Variants in ATRNL1 observed in about 807,000 individuals in gnomAD.
ATRNL1 encodes the protein attractin-like protein 1.
In ATRNL1, 95 loss-of-function variants were observed where a neutral mutation model predicts 182.7. That is an observed-to-expected ratio of 0.52 (90% CI 0.44 to 0.62). The LOEUF (loss-of-function observed/expected upper bound fraction) is 0.62, where lower values mean the gene tolerates loss of function less well. Ranked by LOEUF, ATRNL1 falls within the 20% of genes least tolerant of loss-of-function variation. ATRNL1 has a pLI of 0.00. For missense variants in ATRNL1, 1,471 were observed against 1,679.5 expected (o/e 0.88, Z 2.17); for synonymous variants, 576 against 568.3 (o/e 1.01, Z -0.19).
chr10:115,841,733 A>G (rs2134339927), intron 27 of ATRNL1, among the ~76,000 whole-genome samples: 1 of 152,204 alleles, frequency 6.6e-6, no homozygotes. Context: ...ATTTCATGCA[A>G]AGCAAAAAGT....
intron 24 of ATRNL1, among the ~76,000 whole-genome samples, chr10:115,501,953 A>G (rs1157098707): frequency 1.3e-5 from 2 of 152,178 alleles, no homozygotes; most frequent in Non-Finnish European, 2.9e-5. Context: ...AGAGTTTTAT[A>G]GCTGATTATA....
chr10:115,461,457 CAAAT>C (rs1364672239), intron 21 of ATRNL1, among the ~76,000 whole-genome samples: 11 of 151,980 alleles, frequency 7.2e-5, no homozygotes, highest in African/African-American at 1.2e-4. Context: ...AATGGAAAAA[CAAAT>C]AAATACATTA....
intron 19 of ATRNL1, among the ~76,000 whole-genome samples, chr10:115,365,403 TTC>T (rs1856980690): frequency 6.6e-6 from 1 of 151,686 alleles, no homozygotes; most frequent in African/African-American, 2.4e-5. Context: ...TATTTGATTC[TTC>T]TCTCTTTTTT....
Position 115,121,808 on chromosome 10 carries a change from C to G in ATRNL1, c.487C>G (p.Leu163Val), listed in dbSNP as rs1389108242. The G allele has an allele frequency of 7.1e-7, 1 of 1,401,954 alleles. No individual in the cohort carries two copies. The highest frequency in any genetic ancestry group is 9.8e-7 in the Non-Finnish European group (1 of 1,016,206). 86.8% of individuals were successfully genotyped at this position (1,401,954 alleles called of 1,614,324 possible). ...DSIYAPLIAV[L>V]SGLIVPEIRG... ...AATATATGCACCTTTAATAGCTGTA[C>G]TTAGGTGAGTAATTATATTTAATCA... Residue 163 changes from leucine to valine, a missense_variant, in exon 3 of 29, where the codon CTT becomes GTT. Physicochemically the swap from Leu to Val is conservative, Grantham distance 32 (BLOSUM62 1). Coordinates refer to ENST00000355044, the MANE Select transcript of ATRNL1 (RefSeq NM_207303.4).
At chr10:115,473,880 C>G (rs1378473967) in intron 24 of ATRNL1, among the ~76,000 whole-genome samples, 2 of 151,282 alleles carry the variant, frequency 1.3e-5, no homozygotes, top group African/African-American at 4.8e-5. Flanking sequence ...ACAGTCATTT[C>G]TTATGACCTT....
At chr10:115,240,056 T>A (rs1850352263) in intron 9 of ATRNL1, among the ~76,000 whole-genome samples, 1 of 152,108 alleles carries the variant, frequency 6.6e-6, no homozygotes, top group Non-Finnish European at 1.5e-5. Flanking sequence ...GGGGTTGGGG[T>A]AAGTAATTAT....
At chr10:115,697,738 T>C (rs562883637) in intron 26 of ATRNL1, among the ~76,000 whole-genome samples, 1 of 152,294 alleles carries the variant, frequency 6.6e-6, no homozygotes, top group East Asian at 1.9e-4. Context: ...TGGAATCTCA[T>C]TTGAGTTAGA....
chr10:115,206,202 T>C (rs188869643), intron 8 of ATRNL1, among the ~76,000 whole-genome samples: 3 of 152,232 alleles, frequency 2.0e-5, no homozygotes, highest in African/African-American at 7.2e-5. Context: ...TGTTCCCTTA[T>C]ATAATTTGTT....
chr10:115,469,644 A>G (rs1339434527), intron 24 of ATRNL1, among the ~76,000 whole-genome samples: 1 of 150,660 alleles, frequency 6.6e-6, no homozygotes, highest in Non-Finnish European at 1.5e-5. Context: ...CTGTTCTCAT[A>G]TAACCCCACT....
chr10:115,587,013 G>A (rs572489168), intron 26 of ATRNL1, among the ~76,000 whole-genome samples: 25 of 148,218 alleles, frequency 1.7e-4, no homozygotes, highest in African/African-American at 4.6e-4. Context: ...ATACCTGGCC[G>A]TGTGAGGTGT....
At chr10:115,456,079 A>G (rs1847509159) in intron 21 of ATRNL1, among the ~76,000 whole-genome samples, 1 of 152,176 alleles carries the variant, frequency 6.6e-6, no homozygotes, top group African/African-American at 2.4e-5. Context: ...CAGTGTGGCA[A>G]TTCCTCAAGG....
Position 115,773,883 on chromosome 10 carries a change from G to C in ATRNL1, c.3903+46528G>C, listed in dbSNP as rs527962750. Among the ~76,000 whole-genome samples, 244 of 152,252 alleles carry C rather than the reference G, an allele frequency of 1.6e-3. 11 individuals are homozygous for C. The South Asian group carries it at 0.049, about 30-fold the overall frequency. ...TGCAAATCACTAAATTTAACTATTTGTTCCTATCTCCCTCCCTTTTTGTGT... is the reference window on the plus strand; with the variant it reads ...TGCAAATCACTAAATTTAACTATTTCTTCCTATCTCCCTCCCTTTTTGTGT... On this transcript the variant is annotated intron_variant, in intron 27 of 28. Coordinates refer to ENST00000355044, the MANE Select transcript of ATRNL1 (RefSeq NM_207303.4).
At chr10:115,217,708 G>A (rs1849286799) in intron 9 of ATRNL1, among the ~76,000 whole-genome samples, 1 of 152,026 alleles carries the variant, frequency 6.6e-6, no homozygotes, top group South Asian at 2.1e-4. Context: ...TGCACAAATG[G>A]CACTGGATAT....
At chr10:115,904,819 A>G (rs1952452394) in intron 28 of ATRNL1, among the ~76,000 whole-genome samples, 1 of 152,232 alleles carries the variant, frequency 6.6e-6, no homozygotes, top group Admixed American at 6.5e-5. Flanking sequence ...CAAAGAACAT[A>G]AAGTCTGCAA....
chr10:115,250,472 C>G lies in ATRNL1; in HGVS notation c.1687+8747C>G, dbSNP rs562686927. Among the ~76,000 whole-genome samples, 3 of 152,276 alleles carry G rather than the reference C, an allele frequency of 2.0e-5. No individual in the cohort carries two copies. The South Asian group carries it at 6.2e-4, about 32-fold the overall frequency. On this transcript the variant is annotated intron_variant, in intron 10 of 28. Coordinates refer to ENST00000355044, the MANE Select transcript of ATRNL1 (RefSeq NM_207303.4). ...ATAGTATGTACTGGGTCATATGTGC[C>G]TAGCTGCAGAGTTGCATGCAGGGTA...
intron 21 of ATRNL1, among the ~76,000 whole-genome samples, chr10:115,439,563 G>C (rs1846567309): frequency 6.6e-6 from 1 of 151,952 alleles, no homozygotes; most frequent in Non-Finnish European, 1.5e-5. Context: ...TTGATACTCT[G>C]TGTTAGGGTG....
At chr10:115,421,213 G>A (rs1302956050) in intron 20 of ATRNL1, among the ~76,000 whole-genome samples, 2 of 152,048 alleles carry the variant, frequency 1.3e-5, no homozygotes, top group Non-Finnish European at 2.9e-5. Context: ...GCATTACCCT[G>A]ATAACAAAAC....
rs1338054666 is a variant in ATRNL1, at chr10:115,381,012, AT to A, written c.3176-13646del. ...CATTATACATCTTGACCAGCAGTTC[AT>A]GTGTGTTTCTATTTCTCCATATTCC... On this transcript the variant is annotated intron_variant, in intron 19 of 28. Coordinates refer to ENST00000355044, the MANE Select transcript of ATRNL1 (RefSeq NM_207303.4). 1.9e-4 allele frequency among the ~76,000 whole-genome samples: 29 copies of A among 152,270 alleles called. No homozygotes were observed. The East Asian group carries it at 5.4e-3, about 28-fold the overall frequency.
chr10:115,287,828 A>G (rs1554919519), intron 15 of ATRNL1, among the ~76,000 whole-genome samples: 1 of 151,860 alleles, frequency 6.6e-6, no homozygotes, highest in Non-Finnish European at 1.5e-5. Flanking sequence ...TGTAATTTTC[A>G]ATCCTTTAAT....
Sources: allele counts gnomAD v4.1 joint callset (sites outside exome capture counted in the v4.1 genomes callset), GRCh38; gene constraint gnomAD v4.1.1; transcripts MANE v1.5; gene names NCBI Gene and HGNC (gene_info 2026-07-23, HGNC 2026-07-21).